APBB2: variants seen among roughly 807,000 people sequenced by gnomAD.
APBB2 encodes the protein Fe65-like 1.
APBB2 carries 38 observed loss-of-function variants against 82.5 expected under a neutral mutation model. That is an observed-to-expected ratio of 0.46 (90% CI 0.36 to 0.60). The LOEUF (loss-of-function observed/expected upper bound fraction) is 0.60. Ranked by LOEUF, APBB2 falls within the 20% of genes least tolerant of loss-of-function variation. APBB2 has a pLI of 0.00. For synonymous variants in APBB2, 341 were observed against 368.2 expected (o/e 0.93, Z 0.85); for missense variants, 772 against 972.3 (o/e 0.79, Z 2.74).
chr4:41,071,326 T>C (rs1156924798), intron 3 of APBB2, among the ~76,000 whole-genome samples: 2 of 152,250 alleles, frequency 1.3e-5, no homozygotes, highest in African/African-American at 2.4e-5. Context: ...TATAATTCAA[T>C]AATTATAATT....
intron 3 of APBB2, among the ~76,000 whole-genome samples, chr4:41,098,218 C>T (rs1284095160): frequency 1.3e-5 from 2 of 151,842 alleles, no homozygotes; most frequent in African/African-American, 4.8e-5. Context: ...CAGGATCTCA[C>T]TCAAGTGTCA....
At chr4:41,101,910 G>A (rs1411394871) in intron 2 of APBB2, among the ~76,000 whole-genome samples, 2 of 150,034 alleles carry the variant, frequency 1.3e-5, no homozygotes, top group Non-Finnish European at 3.0e-5. Flanking sequence ...AGTGAGCCAA[G>A]ATCATGCCAC....
intron 4 of APBB2, among the ~76,000 whole-genome samples, chr4:41,039,613 C>T (rs1323719813): frequency 6.6e-6 from 1 of 152,278 alleles, no homozygotes; most frequent in Non-Finnish European, 1.5e-5. Context: ...AATCCCGGCA[C>T]TTTCAAAGGC....
intron 2 of APBB2, among the ~76,000 whole-genome samples, chr4:41,121,463 C>A (rs946600934): frequency 3.3e-5 from 5 of 152,240 alleles, no homozygotes; most frequent in African/African-American, 1.2e-4. Context: ...TGGGAGCGTG[C>A]GTGTGTACAC....
chr4:40,872,527 G>A (rs543640074), intron 12 of APBB2, among the ~76,000 whole-genome samples: 45 of 152,242 alleles, frequency 3.0e-4, no homozygotes, highest in African/African-American at 1.1e-3. Flanking sequence ...GAACCATGGC[G>A]TTCTCATTCA....
chr4:41,193,639 T>G, intron 1 of APBB2: 2 of 872,352 alleles, frequency 2.3e-6, no homozygotes, highest in Non-Finnish European at 2.8e-6. Flanking sequence ...TTATTACTTC[T>G]GCAGGTCTCC....
intron 10 of APBB2, among the ~76,000 whole-genome samples, chr4:40,925,066 G>A (rs1782266774): frequency 6.6e-6 from 1 of 152,098 alleles, no homozygotes; most frequent in Admixed American, 6.6e-5. Flanking sequence ...GTCTCCTTCT[G>A]GGAAACCACC....
intron 5 of APBB2, among the ~76,000 whole-genome samples, chr4:41,017,821 A>G (rs1382700250): frequency 6.6e-6 from 1 of 152,246 alleles, no homozygotes; most frequent in African/African-American, 2.4e-5. Flanking sequence ...AGTTGGGTCT[A>G]TGAGGATTTA....
intron 6 of APBB2, among the ~76,000 whole-genome samples, chr4:40,999,238 C>T (rs748056035): frequency 2.6e-5 from 4 of 151,988 alleles, no homozygotes; most frequent in Admixed American, 2.6e-4. Flanking sequence ...CTCAGGAGTT[C>T]GAAACCAGCC....
chr4:40,864,650 G>A (rs1223035338), intron 12 of APBB2, among the ~76,000 whole-genome samples: 1 of 152,096 alleles, frequency 6.6e-6, no homozygotes, highest in Non-Finnish European at 1.5e-5. Context: ...GCAATATTCA[G>A]CAGAAAAAAC....
At chr4:41,167,796 T>C (rs1329842689) in intron 1 of APBB2, among the ~76,000 whole-genome samples, 1 of 152,122 alleles carries the variant, frequency 6.6e-6, no homozygotes, top group Non-Finnish European at 1.5e-5. Context: ...TGAGGAAAAC[T>C]CTTTCCCTAG....
chr4:41,191,568 C>A (rs1051616571), intron 1 of APBB2, among the ~76,000 whole-genome samples: 1 of 152,118 alleles, frequency 6.6e-6, no homozygotes, highest in Non-Finnish European at 1.5e-5. Flanking sequence ...GATTTCCACA[C>A]ACAAAAGGAC....
intron 4 of APBB2, among the ~76,000 whole-genome samples, chr4:41,058,796 A>C (rs756142656): frequency 4.6e-5 from 7 of 152,218 alleles, no homozygotes; most frequent in Non-Finnish European, 7.3e-5. Flanking sequence ...TAAAGTTTCC[A>C]ATCAACATGG....
intron 1 of APBB2, among the ~76,000 whole-genome samples, chr4:41,175,497 A>C (rs930226967): frequency 7.2e-5 from 11 of 152,150 alleles, no homozygotes; most frequent in Admixed American, 6.5e-4. Flanking sequence ...TGGAAATAAA[A>C]AAGACTAGAT....
intron 6 of APBB2, among the ~76,000 whole-genome samples, chr4:40,950,602 C>G (rs990195874): frequency 1.3e-5 from 2 of 150,698 alleles, no homozygotes; most frequent in African/African-American, 4.9e-5. Flanking sequence ...TATCCTAGCA[C>G]GTTGGGAGGC....
At chr4:40,933,146 A>T (rs866789803) in intron 10 of APBB2, among the ~76,000 whole-genome samples, 1 of 152,210 alleles carries the variant, frequency 6.6e-6, no homozygotes, top group Non-Finnish European at 1.5e-5. Context: ...TTACAGGCGT[A>T]AGGCACCACA....
intron 1 of APBB2, among the ~76,000 whole-genome samples, chr4:41,198,038 G>A: frequency 1.3e-5 from 2 of 152,100 alleles, no homozygotes; most frequent in African/African-American, 2.4e-5. Context: ...TGAGAAAGGC[G>A]CTATTATTGT....
At chr4:40,984,165 A>G (rs1363678322) in intron 6 of APBB2, among the ~76,000 whole-genome samples, 2 of 152,168 alleles carry the variant, frequency 1.3e-5, no homozygotes, top group Non-Finnish European at 2.9e-5. Context: ...TACATACTGT[A>G]CGACACAGAC....
intron 1 of APBB2, among the ~76,000 whole-genome samples, chr4:41,184,245 T>A (rs1294239007): frequency 6.6e-6 from 1 of 152,150 alleles, no homozygotes; most frequent in South Asian, 2.1e-4. Context: ...TGTGGCCCAG[T>A]TGCTAACAGG....
Sources: allele counts gnomAD v4.1 joint callset (sites outside exome capture counted in the v4.1 genomes callset), GRCh38; gene constraint gnomAD v4.1.1; transcripts MANE v1.5; gene names NCBI Gene and HGNC (gene_info 2026-07-23, HGNC 2026-07-21).